ARHGAP19: variants seen among roughly 807,000 people sequenced by gnomAD.
The protein encoded by ARHGAP19 is Rho GTPase activating protein 19, also known as rho GTPase-activating protein 19.
ARHGAP19 carries 48 observed loss-of-function variants against 60.9 expected under a neutral mutation model. The observed-to-expected ratio is 0.79, with a 90% CI of 0.62 to 1.00. ARHGAP19 has a LOEUF of 1.00. Ranked by LOEUF, ARHGAP19 falls within the 50% of genes least tolerant of loss-of-function variation. The pLI is 0.00. For missense variants in ARHGAP19, 562 were observed against 597.2 expected, an observed-to-expected ratio of 0.94 and a Z score of 0.61; for synonymous variants, 209 against 215.5, an observed-to-expected ratio of 0.97 and a Z score of 0.27.
rs535414201 is a variant in ARHGAP19, at chr10:97,250,794, G to A, written c.928-4457C>T. ...AAAAAAAAGAAAGAAGGCCAAGAGC[G>A]GTGGCTCATGCCTGTAATCCCAACA... is the stretch of plus-strand genomic sequence containing the variant. On this transcript the variant is annotated intron_variant, in intron 6 of 11. Transcript: ENST00000358531. Among the ~76,000 whole-genome samples, 86 of 152,018 alleles carry A rather than the reference G, an allele frequency of 5.7e-4. 1 individual carries two copies. The highest frequency in any genetic ancestry group is 4.4e-3 in the South Asian group (21 of 4,818).
intron 8 of ARHGAP19, among the ~76,000 whole-genome samples, chr10:97,237,978 A>C (rs964594884): frequency 2.0e-5 from 3 of 152,170 alleles, no homozygotes; most frequent in African/African-American, 7.2e-5. Flanking sequence ...ATTATTTTAG[A>C]GTGCACTCCT....
intron 6 of ARHGAP19, among the ~76,000 whole-genome samples, chr10:97,247,927 T>C (rs1303226673): frequency 2.0e-5 from 3 of 151,846 alleles, no homozygotes; most frequent in Non-Finnish European, 2.9e-5. Flanking sequence ...TTAGAAAGGA[T>C]TGAGATTTCT....
At chr10:97,263,727 C>T in intron 3 of ARHGAP19, 98 bp from the exon 4 acceptor site, 2 of 1,247,598 alleles carry the variant, frequency 1.6e-6, no homozygotes, top group Non-Finnish European at 2.3e-6. Context: ...CTTAAAAGAC[C>T]CTTCACAAAG....
intron 6 of ARHGAP19, among the ~76,000 whole-genome samples, chr10:97,255,480 G>A: frequency 6.6e-6 from 1 of 152,194 alleles, no homozygotes. Flanking sequence ...GGGAGGCTGA[G>A]GCGGGAGCAT....
At chr10:97,256,431 A>G (rs753297615) in intron 5 of ARHGAP19, 27 bp from the exon 6 acceptor site, 12 of 1,522,620 alleles carry the variant, frequency 7.9e-6, no homozygotes, top group Non-Finnish European at 1.1e-5. Context: ...AAACCAAACA[A>G]TGGACATTAA....
chr10:97,238,445 T>G (rs1436976677), intron 8 of ARHGAP19, among the ~76,000 whole-genome samples: 6 of 152,174 alleles, frequency 3.9e-5, no homozygotes, highest in Non-Finnish European at 7.3e-5. Flanking sequence ...CTCGAACTCC[T>G]GGCTTAAAGC....
At chr10:97,272,129 G>GTTTTTTTTTTTTTTTTTTTTTTTTTTTT (rs1842965911) in intron 1 of ARHGAP19, among the ~76,000 whole-genome samples, 1 of 69,162 alleles carries the variant, frequency 1.4e-5, no homozygotes, top group Non-Finnish European at 2.9e-5. Flanking sequence ...TGGGAAATAT[G>GTTTTTTTTTTTTTTTTTTTTTTTTTTTT]TCTTTTTTTT....
intron 1 of ARHGAP19, among the ~76,000 whole-genome samples, chr10:97,269,427 G>C (rs1317465565): frequency 6.6e-6 from 1 of 152,054 alleles, no homozygotes; most frequent in East Asian, 1.9e-4. Context: ...AAAAAAACTA[G>C]AATTTAAAAT....
At position 97,263,153 on chromosome 10, in the gene ARHGAP19, G is replaced by A. The variant is rs534177486; in HGVS notation, c.613+267C>T. On this transcript the variant is annotated intron_variant, in intron 4 of 11. Transcript: ENST00000358531. ...ACACACTACTCGAGGATCTATCAGA[G>A]ATTCAAAAATAAATAAAACTCAGAC... is the stretch of plus-strand genomic sequence containing the variant. 1.8e-4 allele frequency among the ~76,000 whole-genome samples: 27 copies of A among 152,264 alleles called. No individual in the cohort carries two copies. In the East Asian group the frequency reaches 4.2e-3, roughly 24 times the overall value.
At chr10:97,271,474 A>G (rs952567416) in intron 1 of ARHGAP19, among the ~76,000 whole-genome samples, 5 of 152,180 alleles carry the variant, frequency 3.3e-5, no homozygotes, top group African/African-American at 1.2e-4. Flanking sequence ...AAAAATTAAT[A>G]AGGAAAAGAC....
chr10:97,282,579 T>A (rs1589381488), intron 1 of ARHGAP19, among the ~76,000 whole-genome samples: 1 of 152,100 alleles, frequency 6.6e-6, no homozygotes, highest in Non-Finnish European at 1.5e-5. Context: ...ATCTGAGCCC[T>A]CCCTTCTGTA....
At chr10:97,259,730 G>A (rs1039239467) in intron 4 of ARHGAP19, 102 bp from the exon 5 acceptor site, 5 of 809,744 alleles carry the variant, frequency 6.2e-6, no homozygotes, top group South Asian at 3.1e-5. Flanking sequence ...AAAGAAAGAG[G>A]GAAAAAAGAT....
intron 9 of ARHGAP19, among the ~76,000 whole-genome samples, chr10:97,233,223 A>G (rs1462361381): frequency 2.0e-5 from 3 of 151,986 alleles, no homozygotes; most frequent in Admixed American, 6.6e-5. Flanking sequence ...GATGGCATGC[A>G]CTTGTGGTCC....
At chr10:97,280,270 G>T (rs1457756094) in intron 1 of ARHGAP19, among the ~76,000 whole-genome samples, 6 of 151,988 alleles carry the variant, frequency 3.9e-5, no homozygotes, top group African/African-American at 1.4e-4. Flanking sequence ...TTAGCTGGGT[G>T]TGGTGGTGCA....
At chr10:97,240,786 T>C (rs367965007) in intron 8 of ARHGAP19, among the ~76,000 whole-genome samples, 8 of 152,316 alleles carry the variant, frequency 5.3e-5, no homozygotes, top group African/African-American at 1.9e-4. Flanking sequence ...TTGGCCCAGA[T>C]GTAAGGGCTC....
chr10:97,252,324 C>G (rs866783346), intron 6 of ARHGAP19, among the ~76,000 whole-genome samples: 1 of 133,800 alleles, frequency 7.5e-6, no homozygotes, highest in South Asian at 2.4e-4. Context: ...GAGACTGTCT[C>G]AAAAAAAAAA....
Position 97,229,768 on chromosome 10 carries a change from T to A in ARHGAP19, c.1391A>T (p.Asn464Ile). 1 of 1,588,706 alleles carries A rather than the reference T, an allele frequency of 6.3e-7. No homozygotes were observed. Among genetic ancestry groups the A allele is most frequent in the Non-Finnish European group, 8.6e-7 (1 of 1,158,702 alleles). The part of the protein sequence containing the change: ...ELKGTSKENR[N>I]LLFSGSPAVT... Reference sequence around the variant, plus strand: ...GTCCAAAGAACAGTGTCTTACTAAGTTCCTATTTTCTTTGCTGGTTCCCTT... The same window carrying A: ...GTCCAAAGAACAGTGTCTTACTAAGATCCTATTTTCTTTGCTGGTTCCCTT... The change falls in exon 10 of 12, where the codon AAC (asparagine) becomes ATC (isoleucine). Residue 464 changes from asparagine (N) to isoleucine (I), a missense_variant. Transcript: ENST00000358531.
In ARHGAP19 at chr10:97,280,334, G is replaced by A. The variant is rs185044127; in HGVS notation, c.56+12238C>T. On this transcript the variant is annotated intron_variant, in intron 1 of 11. Coordinates refer to ENST00000358531, the MANE Select transcript of ARHGAP19 (RefSeq NM_032900.6). The stretch of plus-strand genomic sequence containing the variant: ...TGAGGAAGGAGAATCACTTGAACCC[G>A]GGAGGCAGAGGTTGCAGTGAGCCGA... 5.1e-3 allele frequency among the ~76,000 whole-genome samples: 772 copies of A among 150,946 alleles called. 9 individuals are homozygous for A. The highest frequency in any genetic ancestry group is 0.027 in the Admixed American group (407 of 15,170).
chr10:97,236,833 C>T (rs951097659), intron 8 of ARHGAP19, among the ~76,000 whole-genome samples: 4 of 139,894 alleles, frequency 2.9e-5, no homozygotes, highest in African/African-American at 1.1e-4. Context: ...AAATACACCA[C>T]ATATAAAGTG....
Sources: allele counts gnomAD v4.1 joint callset (sites outside exome capture counted in the v4.1 genomes callset), GRCh38; gene constraint gnomAD v4.1.1; transcripts MANE v1.5; gene names NCBI Gene and HGNC (gene_info 2026-07-23, HGNC 2026-07-21).